Variants in ERBB4 observed in about 807,000 individuals in gnomAD.
The protein encoded by ERBB4 is receptor tyrosine-protein kinase erbB-4.
A neutral mutation model predicts 158.0 loss-of-function variants in ERBB4; 42 were observed. The observed-to-expected ratio is 0.27, with a 90% CI of 0.21 to 0.34. The LOEUF is 0.34. ERBB4 is among the 10% of genes least tolerant of loss of function. The pLI is 1.00. For missense variants in ERBB4, 1,333 were observed against 1,624.1 expected (o/e 0.82, Z 3.08); for synonymous variants, 583 against 558.7 (o/e 1.04, Z -0.61).
At chr2:212,152,154 A>G (rs1219686865) in intron 1 of ERBB4, among the ~76,000 whole-genome samples, 2 of 152,026 alleles carry the variant, frequency 1.3e-5, no homozygotes, top group Non-Finnish European at 2.9e-5. Flanking sequence ...CAGTTTTTAT[A>G]AAACATAGTT....
chr2:211,758,372 TAAC>T (rs1299657670), intron 4 of ERBB4, among the ~76,000 whole-genome samples: 1 of 152,168 alleles, frequency 6.6e-6, no homozygotes, highest in African/African-American at 2.4e-5. Flanking sequence ...CATATGTTAA[TAAC>T]AAAATGTCTC....
intron 12 of ERBB4, among the ~76,000 whole-genome samples, chr2:211,701,665 AG>A (rs2073249213): frequency 6.9e-6 from 1 of 145,522 alleles, no homozygotes; most frequent in Admixed American, 7.0e-5. Context: ...CTGAGGCAGG[AG>A]AATGGCGTGA....
Position 212,186,798 on chromosome 2 carries a change from G to C in ERBB4, c.83-61895C>G, listed in dbSNP as rs114377011. On this transcript the variant is annotated intron_variant, in intron 1 of 27. Coordinates refer to ENST00000342788, the MANE Select transcript of ERBB4 (RefSeq NM_005235.3). ...AATATTCAAAAGACTAATACTGAAA[G>C]ATAGAAGTATGCAGCGATAAAATAC... Among the ~76,000 whole-genome samples the C allele has an allele frequency of 9.1e-3, 1,391 of 152,160 alleles. 14 individuals are homozygous for C. Among genetic ancestry groups the C allele is most frequent in the African/African-American group, 0.031 (1,281 of 41,496 alleles).
chr2:212,020,486 G>A (rs2076624744), intron 2 of ERBB4, among the ~76,000 whole-genome samples: 4 of 151,898 alleles, frequency 2.6e-5, no homozygotes, highest in Admixed American at 1.3e-4. Flanking sequence ...TTTTCAACAT[G>A]TATTTTATTT....
chr2:211,676,184 C>A (rs1321181284), intron 13 of ERBB4, among the ~76,000 whole-genome samples: 1 of 152,120 alleles, frequency 6.6e-6, no homozygotes, highest in African/African-American at 2.4e-5. Context: ...CTAGCCCATA[C>A]CACAAGATGG....
chr2:211,956,211 C>T (rs839514), intron 2 of ERBB4, among the ~76,000 whole-genome samples: 134,833 of 152,090 alleles, frequency 0.89, 59,876 homozygotes, highest in East Asian at 0.98. Context: ...GCTCCAATGA[C>T]TTGGGGAATT....
rs1575705679 is a variant in ERBB4, at chr2:212,148,801, G to A, written c.83-23898C>T. Among the ~76,000 whole-genome samples, 5 of 145,746 alleles carry A rather than the reference G, an allele frequency of 3.4e-5. 1 individual carries two copies. In the Admixed American group the frequency reaches 3.5e-4, roughly 10 times the overall value. ...CAATGATAGACTGGATTAAGAAAAT[G>A]TGGCACATATACACCATGGAATACT... On this transcript the variant is annotated intron_variant, in intron 1 of 27. Transcript: ENST00000342788.
intron 3 of ERBB4, among the ~76,000 whole-genome samples, chr2:211,877,283 G>C (rs2078529781): frequency 6.6e-6 from 1 of 152,184 alleles, no homozygotes; most frequent in Non-Finnish European, 1.5e-5. Context: ...TGAGCAATTA[G>C]ACAGAACTGT....
chr2:211,567,723 AT>A (rs1197322250), intron 19 of ERBB4, among the ~76,000 whole-genome samples: 1 of 151,978 alleles, frequency 6.6e-6, no homozygotes, highest in African/African-American at 2.4e-5. Context: ...ATTGCAGAGT[AT>A]TTGCGTAATA....
At chr2:211,705,506 T>A (rs1269495297) in intron 9 of ERBB4, 115 bp from the exon 10 acceptor site, 1 of 741,458 alleles carries the variant, frequency 1.3e-6, no homozygotes, top group Non-Finnish European at 2.4e-6. Flanking sequence ...AGGGGTGTTA[T>A]CAATGCATGT....
At chr2:211,988,811 C>G (rs2082000174) in intron 2 of ERBB4, among the ~76,000 whole-genome samples, 1 of 151,936 alleles carries the variant, frequency 6.6e-6, no homozygotes, top group Non-Finnish European at 1.5e-5. Context: ...GTTTTCCAAC[C>G]CCAAGGTCAT....
chr2:211,544,807 C>T (rs72941342), intron 20 of ERBB4, among the ~76,000 whole-genome samples: 29,852 of 151,928 alleles, frequency 0.2, 3,300 homozygotes, highest in Admixed American at 0.24. Flanking sequence ...TTTATTACTA[C>T]AAGATTGAAC....
At chr2:211,872,095 A>G (rs1441284508) in intron 3 of ERBB4, among the ~76,000 whole-genome samples, 1 of 55,894 alleles carries the variant, frequency 1.8e-5, no homozygotes, top group Admixed American at 1.8e-4. Flanking sequence ...TGAATTATTA[A>G]TTTTCTAGAC....
At chr2:212,463,096 C>T (rs996831753) in intron 1 of ERBB4, among the ~76,000 whole-genome samples, 2 of 151,978 alleles carry the variant, frequency 1.3e-5, no homozygotes, top group Non-Finnish European at 2.9e-5. Context: ...GTTTGAAAGG[C>T]TGGAGAGGAT....
intron 5 of ERBB4, among the ~76,000 whole-genome samples, chr2:211,731,228 C>T (rs2074417153): frequency 6.6e-6 from 1 of 152,102 alleles, no homozygotes; most frequent in African/African-American, 2.4e-5. Flanking sequence ...CTGCTAAGCA[C>T]ATTTTAAAGC....
intron 20 of ERBB4, among the ~76,000 whole-genome samples, chr2:211,554,937 A>G (rs1239723728): frequency 6.6e-6 from 1 of 152,258 alleles, no homozygotes; most frequent in East Asian, 1.9e-4. Flanking sequence ...TACACTATTC[A>G]GAATCTGCTA....
At chr2:211,721,800 T>C (rs1199459346) in intron 7 of ERBB4, among the ~76,000 whole-genome samples, 1 of 152,066 alleles carries the variant, frequency 6.6e-6, no homozygotes, top group Non-Finnish European at 1.5e-5. Flanking sequence ...CTAATTACTT[T>C]TTTGGAGAAA....
At chr2:211,708,314 A>C (rs921884971) in intron 9 of ERBB4, among the ~76,000 whole-genome samples, 1 of 152,134 alleles carries the variant, frequency 6.6e-6, no homozygotes, top group Non-Finnish European at 1.5e-5. Flanking sequence ...ATACCTTATA[A>C]ATTATACTTG....
chr2:212,071,145 G>T (rs2078104510), intron 2 of ERBB4, among the ~76,000 whole-genome samples: 1 of 151,828 alleles, frequency 6.6e-6, no homozygotes, highest in Non-Finnish European at 1.5e-5. Context: ...TACTTTCTTT[G>T]GGAATCTGTA....
Sources: allele counts gnomAD v4.1 joint callset (sites outside exome capture counted in the v4.1 genomes callset), GRCh38; gene constraint gnomAD v4.1.1; transcripts MANE v1.5; gene names NCBI Gene and HGNC (gene_info 2026-07-23, HGNC 2026-07-21).